Variants in CRYBA4 observed in about 807,000 individuals in gnomAD.
The protein encoded by CRYBA4 is beta-crystallin A4.
Under a neutral mutation model 31.7 loss-of-function variants are expected in CRYBA4, and 30 were observed. That is an observed-to-expected ratio of 0.95 (90% CI 0.71 to 1.28). The LOEUF is 1.28. CRYBA4 is among the 50% of genes most tolerant of loss of function. CRYBA4 has a pLI of 0.00. For synonymous variants in CRYBA4, 102 were observed against 102.3 expected, an observed-to-expected ratio of 1.00 and a Z score of 0.02; for missense variants, 225 against 260.7, an observed-to-expected ratio of 0.86 and a Z score of 0.94.
chr22:26,621,950 T>C (rs189045246), upstream of CRYBA4: 73 of 985,680 alleles, frequency 7.4e-5, 2 homozygotes, highest in Middle Eastern at 1.6e-3. Flanking sequence ...CGACCTCGGC[T>C]GGTCTCAGAT....
At chr22:26,605,886 C>A in the CRYBA4 span, among the ~76,000 whole-genome samples, 1 of 152,074 alleles carries the variant, frequency 6.6e-6, no homozygotes, top group South Asian at 2.1e-4. Context: ...AGGACTGTGG[C>A]AGGGCAGAGA....
At position 26,625,546 on chromosome 22, in the gene CRYBA4, C is replaced by T; in HGVS notation, c.224C>T (p.Pro75Leu). The T allele has an allele frequency of 6.2e-7, 1 of 1,614,064 alleles. No individual in the cohort carries two copies. The highest frequency in any genetic ancestry group is 8.5e-7 in the Non-Finnish European group (1 of 1,180,022). ...TACATTCTGGAACGAGGCGAATATC[C>T]AAGCTGGGATGCCTGGGGCGGCAAC... ...QQYILERGEYPSWDAWGGNTA... is the reference protein window; with the variant it reads ...QQYILERGEYLSWDAWGGNTA... Residue 75 changes from proline to leucine, a missense_variant, in exon 4 of 6, where the codon CCA (proline) becomes CTA (leucine). Pro to Leu is a moderately conservative substitution (Grantham distance 98). Transcript: ENST00000354760.
intron 4 of CRYBA4, among the ~76,000 whole-genome samples, chr22:26,627,359 CCTTTCTTT>C (rs1245733367): frequency 0.025 from 1,041 of 41,638 alleles, 38 homozygotes; most frequent in Non-Finnish European, 0.032. Context: ...CTCCCTCCCT[CCTTTCTTT>C]CTTTCTTTCT....
chr22:26,599,350 T>C, the CRYBA4 span: 1 of 738,168 alleles, frequency 1.4e-6, no homozygotes. Flanking sequence ...CCAGTAACTA[T>C]GGGGGACCTC....
At chr22:26,621,694 G>A (rs554034082), upstream of CRYBA4, among the ~76,000 whole-genome samples, 1 of 152,314 alleles carries the variant, frequency 6.6e-6, no homozygotes, top group Non-Finnish European at 1.5e-5. Flanking sequence ...CTCATCTAGT[G>A]CTCATTCTCC....
the CRYBA4 span, chr22:26,602,010 C>T: frequency 1.2e-6 from 2 of 1,613,722 alleles, no homozygotes; most frequent in Non-Finnish European, 1.7e-6. Flanking sequence ...AGATTTTGTG[C>T]TCCTGGGCAT....
At chr22:26,604,724 G>C in the CRYBA4 span, among the ~76,000 whole-genome samples, 1 of 152,232 alleles carries the variant, frequency 6.6e-6, no homozygotes, top group African/African-American at 2.4e-5. Context: ...CAAGGTGCCA[G>C]GCAGGGATGT....
At chr22:26,608,512 C>T in the CRYBA4 span, among the ~76,000 whole-genome samples, 3 of 152,210 alleles carry the variant, frequency 2.0e-5, no homozygotes, top group African/African-American at 7.2e-5. Flanking sequence ...CCAGAACCTC[C>T]AGCAGACAAT....
At chr22:26,616,184 T>C in the CRYBA4 span, 1 of 1,614,198 alleles carries the variant, frequency 6.2e-7, no homozygotes, top group East Asian at 2.2e-5. Flanking sequence ...GCGCTGGTAA[T>C]AGGCACGGTT....
chr22:26,613,944 C>A, the CRYBA4 span, among the ~76,000 whole-genome samples: 1 of 152,172 alleles, frequency 6.6e-6, no homozygotes, highest in East Asian at 1.9e-4. Context: ...AACTGGCCCC[C>A]CTGGGCGTGG....
the CRYBA4 span, among the ~76,000 whole-genome samples, chr22:26,607,015 T>A: frequency 7.1e-6 from 1 of 141,042 alleles, no homozygotes; most frequent in African/African-American, 2.6e-5. Flanking sequence ...ACAGTATCCC[T>A]CTCCTTTTTT....
At position 26,630,394 on chromosome 22, in the gene CRYBA4, C is replaced by T. The variant is rs770441799; in HGVS notation, c.498C>T (p.Cys166=). The T allele has an allele frequency of 8.1e-6, 13 of 1,614,060 alleles. No individual in the cohort carries two copies. Among genetic ancestry groups the T allele is most frequent in the South Asian group, 2.2e-5 (2 of 91,060 alleles). ...GYRGFQYVLE[C]DHHSGDYKHF... The stretch of plus-strand genomic sequence containing the variant: ...GAGGATTTCAGTATGTGCTGGAATG[C>T]GATCACCATTCCGGTGACTACAAAC... Residue 166 remains cysteine (C), a synonymous_variant, in exon 6 of 6, where the codon TGC becomes TGT. Transcript: ENST00000354760.
chr22:26,610,921 A>T, the CRYBA4 span, among the ~76,000 whole-genome samples: 1 of 152,182 alleles, frequency 6.6e-6, no homozygotes, highest in Non-Finnish European at 1.5e-5. Context: ...ATACAGGATG[A>T]CTGGAACCCT....
chr22:26,613,435 G>A, the CRYBA4 span, among the ~76,000 whole-genome samples: 84 of 152,356 alleles, frequency 5.5e-4, no homozygotes, highest in African/African-American at 1.9e-3. Context: ...ACTGGCTGAA[G>A]CCATGGCAGA....
At chr22:26,616,994 G>A (rs80208098), upstream of CRYBA4, among the ~76,000 whole-genome samples, 20 of 152,366 alleles carry the variant, frequency 1.3e-4, no homozygotes, top group East Asian at 3.3e-3. Flanking sequence ...GCACATAGGA[G>A]ATGCCCAATT....
chr22:26,608,111 A>G, the CRYBA4 span: 2 of 1,604,270 alleles, frequency 1.2e-6, no homozygotes, highest in Non-Finnish European at 1.7e-6. Context: ...TCCCCTGGCA[A>G]GGCAGCCCTG....
At chr22:26,605,097 G>A in the CRYBA4 span, among the ~76,000 whole-genome samples, 3 of 152,128 alleles carry the variant, frequency 2.0e-5, no homozygotes, top group South Asian at 4.1e-4. Context: ...TGCTCTTCAC[G>A]TGGCTGAGTT....
At chr22:26,593,913 T>C in the CRYBA4 span, among the ~76,000 whole-genome samples, 1 of 152,310 alleles carries the variant, frequency 6.6e-6, no homozygotes, top group East Asian at 1.9e-4. Context: ...TCTCCAAGCT[T>C]TTGGTGTTTT....
upstream of CRYBA4, among the ~76,000 whole-genome samples, chr22:26,617,241 G>A (rs1172317262): frequency 6.6e-6 from 1 of 152,070 alleles, no homozygotes; most frequent in Admixed American, 6.5e-5. Context: ...TTGGGGTCGT[G>A]GACTCCTTTG....
Sources: allele counts gnomAD v4.1 joint callset (sites outside exome capture counted in the v4.1 genomes callset), GRCh38; gene constraint gnomAD v4.1.1; transcripts MANE v1.5; gene names NCBI Gene and HGNC (gene_info 2026-07-23, HGNC 2026-07-21).